SYNPO: variants seen among roughly 807,000 people sequenced by gnomAD.
SYNPO encodes the protein synaptopodin.
Under a neutral mutation model 49.5 loss-of-function variants are expected in SYNPO, and 19 were observed. The observed-to-expected ratio is 0.38, with a 90% confidence interval of 0.27 to 0.56. The LOEUF is 0.56. SYNPO is among the 20% of genes least tolerant of loss of function. SYNPO has a pLI of 0.68. For missense variants in SYNPO, 1,131 were observed against 1,248.3 expected, an observed-to-expected ratio of 0.91 and a Z score of 1.42; for synonymous variants, 536 against 548.0, an observed-to-expected ratio of 0.98 and a Z score of 0.31.
At chr5:150,619,640 G>C (rs1465628212) in intron 2 of SYNPO, among the ~76,000 whole-genome samples, 1 of 152,176 alleles carries the variant, frequency 6.6e-6, no homozygotes, top group Non-Finnish European at 1.5e-5. Context: ...GCCATGCTCA[G>C]CTCAAGCAGG....
At chr5:150,640,066 A>G, upstream of SYNPO, 1 of 893,244 alleles carries the variant, frequency 1.1e-6, no homozygotes, top group Non-Finnish European at 1.3e-6. Flanking sequence ...GGAGATGAGG[A>G]TAGTGCTGGC....
rs1230759367 is a variant in SYNPO at position 150,658,520 on chromosome 5, CAGGG to C, written c.*1437_*1440del. 2 of 152,322 alleles carry C rather than the reference CAGGG, an allele frequency of 1.3e-5. No individual in the cohort carries two copies. The highest frequency in any genetic ancestry group is 4.8e-5 in the African/African-American group (2 of 41,422). 9.4% of individuals were successfully genotyped at this position (152,322 alleles called of 1,614,324 possible). A position where few individuals can be genotyped will look rare whatever the true frequency, so the allele number is the denominator to read the frequency against. The stretch of plus-strand genomic sequence containing the variant: ...GTGATTCAGGTCCCCAGGGGGGACT[CAGGG>C]AGGAATATGGCTGAGTTCTGTAGTT... On this transcript the variant is annotated 3_prime_UTR_variant, in exon 3 of 3. Transcript: ENST00000307662.
chr5:150,644,098 C>G (rs1274049275), intron 1 of SYNPO, among the ~76,000 whole-genome samples: 1 of 151,362 alleles, frequency 6.6e-6, no homozygotes, highest in Non-Finnish European at 1.5e-5. Context: ...TTACTTGATC[C>G]TGGAAGGTTG....
At chr5:150,630,218 A>G (rs974638582) in intron 2 of SYNPO, among the ~76,000 whole-genome samples, 1 of 152,110 alleles carries the variant, frequency 6.6e-6, no homozygotes, top group Non-Finnish European at 1.5e-5. Context: ...AGTGCCTTGG[A>G]ACTTGAGTGG....
intron 2 of SYNPO, among the ~76,000 whole-genome samples, chr5:150,630,931 C>T (rs964527213): frequency 1.3e-5 from 2 of 152,170 alleles, no homozygotes; most frequent in Admixed American, 6.5e-5. Context: ...TTTCTTCTCT[C>T]ATTTAGACCT....
chr5:150,622,167 G>A (rs9918250), intron 2 of SYNPO, among the ~76,000 whole-genome samples: 9,252 of 152,298 alleles, frequency 0.061, 674 homozygotes, highest in East Asian at 0.27. Context: ...AAACAATCCT[G>A]TGAAGTTCAT....
chr5:150,595,017 A>G, the SYNPO span, among the ~76,000 whole-genome samples: 1 of 152,172 alleles, frequency 6.6e-6, no homozygotes, highest in African/African-American at 2.4e-5. Flanking sequence ...GTTATTTTAT[A>G]TGGATTTCCA....
chr5:150,615,883 T>G (rs1253342637), intron 1 of SYNPO, among the ~76,000 whole-genome samples: 1 of 152,200 alleles, frequency 6.6e-6, no homozygotes, highest in Non-Finnish European at 1.5e-5. Context: ...AGCCTCAATT[T>G]CCTCACCTCT....
At position 150,649,084 on chromosome 5, in the gene SYNPO, C is replaced by T. The variant is rs142043265; in HGVS notation, c.809C>T (p.Pro270Leu). The T allele has an allele frequency of 3.7e-5, 60 of 1,613,708 alleles. No individual in the cohort carries two copies. The highest frequency in any genetic ancestry group is 1.1e-4 in the African/African-American group (8 of 74,908). The change falls in exon 2 of 3, where the codon CCG becomes CTG. Residue 270 changes from proline (P) to leucine (L), a missense_variant. Physicochemically the swap from Pro to Leu is moderately conservative, Grantham distance 98. Coordinates refer to ENST00000307662, the MANE Select transcript of SYNPO (RefSeq NM_007286.6). Reference protein sequence around the residue: ...LERRHFGEKAPAPQPPSLPDR... With the variant: ...LERRHFGEKALAPQPPSLPDR... ...AGACGACATTTTGGGGAGAAGGCCC[C>T]GGCTCCCCAGCCCCCCAGTTTGCCA...
chr5:150,656,346 C>T (rs1319841194), intron 2 of SYNPO, 58 bp from the exon 3 acceptor site: 2 of 1,368,802 alleles, frequency 1.5e-6, no homozygotes, highest in Non-Finnish European at 2.0e-6. Flanking sequence ...CTTCCTAAAG[C>T]CCGGTGTGGA....
Position 150,624,979 on chromosome 5 carries a change from T to C in SYNPO, c.400+6212T>C, listed in dbSNP as rs1360438174. On this transcript the variant is annotated intron_variant, in intron 2 of 2. Coordinates refer to the SYNPO transcript ENST00000394243. ...CCTCGCCCCTTCCCACCTGCGCTATTCCCGGCGCCGCCCAGGAGGAGGTGG... is the reference window on the plus strand; with the variant it reads ...CCTCGCCCCTTCCCACCTGCGCTATCCCCGGCGCCGCCCAGGAGGAGGTGG... 4.1e-6 allele frequency: 4 copies of C among 985,164 alleles called. No individual in the cohort carries two copies. The Admixed American group carries it at 1.8e-4, about 45-fold the overall frequency. 61.0% of individuals were successfully genotyped at this position (985,164 alleles called of 1,614,324 possible).
intron 2 of SYNPO, among the ~76,000 whole-genome samples, chr5:150,628,809 G>A (rs1350815775): frequency 1.3e-5 from 2 of 152,222 alleles, no homozygotes; most frequent in African/African-American, 4.8e-5. Flanking sequence ...TCAGAAGGCT[G>A]AGGCAGGAGA....
chr5:150,587,048 A>T, the SYNPO span, among the ~76,000 whole-genome samples: 1 of 152,228 alleles, frequency 6.6e-6, no homozygotes, highest in East Asian at 1.9e-4. Flanking sequence ...GCATATATGT[A>T]TATGTGGATT....
At chr5:150,637,706 C>T (rs1398656103), upstream of SYNPO, among the ~76,000 whole-genome samples, 1 of 152,234 alleles carries the variant, frequency 6.6e-6, no homozygotes, top group Non-Finnish European at 1.5e-5. Context: ...TTGTCATTAT[C>T]GTTCCTCCTG....
chr5:150,609,967 C>G (rs571120086), intron 1 of SYNPO, among the ~76,000 whole-genome samples: 1 of 152,244 alleles, frequency 6.6e-6, no homozygotes, highest in Admixed American at 6.5e-5. Flanking sequence ...CCTGCCTGAC[C>G]TCAGCCAGTC....
At chr5:150,627,067 G>A (rs1284231133) in intron 2 of SYNPO, among the ~76,000 whole-genome samples, 1 of 152,186 alleles carries the variant, frequency 6.6e-6, no homozygotes, top group African/African-American at 2.4e-5. Context: ...ACAAGGCTGA[G>A]CACACCTCCA....
the SYNPO span, among the ~76,000 whole-genome samples, chr5:150,592,569 G>A: frequency 6.6e-6 from 1 of 152,238 alleles, no homozygotes; most frequent in Admixed American, 6.5e-5. Context: ...CCCAAATGGG[G>A]GAAATTCTGA....
the SYNPO span, among the ~76,000 whole-genome samples, chr5:150,594,081 T>C: frequency 6.6e-6 from 1 of 152,174 alleles, no homozygotes; most frequent in African/African-American, 2.4e-5. Flanking sequence ...GCGCTGTCCT[T>C]CTTCAGCCTG....
intron 2 of SYNPO, among the ~76,000 whole-genome samples, chr5:150,631,380 A>G (rs1757531977): frequency 6.6e-6 from 1 of 152,172 alleles, no homozygotes; most frequent in African/African-American, 2.4e-5. Flanking sequence ...TGTGGTCAGA[A>G]AGGTGCAGCC....
Sources: gnomAD v4.1 joint callset for allele counts (sites outside exome capture counted in the v4.1 genomes callset) on GRCh38, gnomAD v4.1.1 for gene constraint, MANE v1.5 for transcripts, NCBI Gene and HGNC (gene_info 2026-07-23, HGNC 2026-07-21) for gene names.